The following MTNR1B variants were observed in gnomAD, a reference collection of about 807,000 sequenced individuals.
The protein encoded by MTNR1B is melatonin receptor 1B, also known as melatonin receptor type 1B.
MTNR1B carries 7 observed loss-of-function variants against 7.0 expected under a neutral mutation model. The ratio of observed to expected loss-of-function variants is 1.00; its 90% CI spans 0.57 to 1.88. The LOEUF is 1.88. MTNR1B is among the 40% of genes most tolerant of loss of function. MTNR1B has a pLI of 0.00. For missense variants in MTNR1B, 478 were observed against 486.5 expected (o/e 0.98, Z 0.16); for synonymous variants, 226 against 208.2 (o/e 1.09, Z -0.74).
chr11:92,970,191 G>A lies in MTNR1B; in HGVS notation c.223+243G>A, dbSNP rs540589081. Among the ~76,000 whole-genome samples, 10 of 152,312 alleles carry A rather than the reference G, an allele frequency of 6.6e-5. No individual in the cohort carries two copies. In the East Asian group the frequency reaches 1.4e-3, roughly 21 times the overall value. On this transcript the variant is annotated intron_variant, in intron 1 of 1. Transcript: ENST00000257068. ...GGGAATTGCGGAAAGTTTTACTGGC[G>A]CGCTTTTTGGCCGGGCGCCGGCGCT...
At chr11:92,973,778 A>G (rs10765576) in intron 1 of MTNR1B, among the ~76,000 whole-genome samples, 86,966 of 152,016 alleles carry the variant, frequency 0.57, 25,262 homozygotes, top group East Asian at 0.71. Context: ...CTGAGAGCAG[A>G]CACTTTCATT....
chr11:92,982,381 T>A lies in MTNR1B; in HGVS notation c.*69T>A. 8 of 1,523,042 alleles carry A rather than the reference T, an allele frequency of 5.3e-6. No individual in the cohort carries two copies. In the South Asian group the frequency reaches 1.0e-4, roughly 20 times the overall value. The allele number at this position is 1,523,042 out of a possible 1,614,324, so 94.3% of individuals were successfully genotyped here. A position where few individuals can be genotyped will look rare whatever the true frequency, so the allele number is the denominator to read the frequency against. On this transcript the variant is annotated 3_prime_UTR_variant, in exon 2 of 2. Coordinates refer to ENST00000257068, the MANE Select transcript of MTNR1B (RefSeq NM_005959.5). Reference sequence around the variant, plus strand: ...GGTGGGAGAGAGTCTGCTGCAAGGGTGAGACCAGGCAGCCTGCTGGGCCAC... The same window carrying A: ...GGTGGGAGAGAGTCTGCTGCAAGGGAGAGACCAGGCAGCCTGCTGGGCCAC...
At position 92,976,734 on chromosome 11, in the gene MTNR1B, G is replaced by A. The variant is rs1858013581; in HGVS notation, c.224-4713G>A. ...CACTTTTCTGTCCTTTCTCACTTTT[G>A]TAGATGACCAAGAAACTCTCTACAC... On this transcript the variant is annotated intron_variant, in intron 1 of 1. Coordinates refer to ENST00000257068, the MANE Select transcript of MTNR1B (RefSeq NM_005959.5). Among the ~76,000 whole-genome samples the A allele has an allele frequency of 2.0e-5, 3 of 152,160 alleles. No homozygotes were observed. In the South Asian group the frequency reaches 6.2e-4, roughly 32 times the overall value.
chr11:92,979,137 G>A (rs759923363), intron 1 of MTNR1B, among the ~76,000 whole-genome samples: 1 of 152,146 alleles, frequency 6.6e-6, no homozygotes, highest in Non-Finnish European at 1.5e-5. Flanking sequence ...TCGGGAACTC[G>A]CCCAAATTCA....
intron 1 of MTNR1B, among the ~76,000 whole-genome samples, chr11:92,979,588 G>A (rs1858064830): frequency 6.6e-6 from 1 of 152,124 alleles, no homozygotes; most frequent in Non-Finnish European, 1.5e-5. Context: ...CTTGAGACAG[G>A]GAAACTCACT....
At chr11:92,976,239 A>G (rs1157013398) in intron 1 of MTNR1B, among the ~76,000 whole-genome samples, 1 of 152,208 alleles carries the variant, frequency 6.6e-6, no homozygotes, top group African/African-American at 2.4e-5. Context: ...CTTTCAATTT[A>G]AAATACTTAC....
At chr11:92,971,142 G>A (rs1312566854) in intron 1 of MTNR1B, among the ~76,000 whole-genome samples, 1 of 151,934 alleles carries the variant, frequency 6.6e-6, no homozygotes, top group Non-Finnish European at 1.5e-5. Flanking sequence ...TATATTTTTG[G>A]TAGACACAGT....
intron 1 of MTNR1B, among the ~76,000 whole-genome samples, chr11:92,976,202 A>G (rs573401450): frequency 1.8e-4 from 27 of 152,306 alleles, no homozygotes; most frequent in Admixed American, 1.6e-3. Context: ...CACAAAATTC[A>G]GAGAATACTG....
intron 1 of MTNR1B, 108 bp downstream of exon 1, chr11:92,970,056 TC>T: frequency 7.5e-7 from 1 of 1,327,964 alleles, no homozygotes; most frequent in Non-Finnish European, 9.8e-7. Flanking sequence ...CAGCCCGGGC[TC>T]CCCTTTCCCT....
Position 92,971,212 on chromosome 11 carries a change from C to T in MTNR1B, c.223+1264C>T, listed in dbSNP as rs552433144. On this transcript the variant is annotated intron_variant, in intron 1 of 1. Transcript: ENST00000257068. The stretch of plus-strand genomic sequence containing the variant: ...CTGACCTCAAGTGATCCACCCGCCT[C>T]GGCCTCCCAAAGTGCTGGAATTACA... 5.5e-4 allele frequency among the ~76,000 whole-genome samples: 84 copies of T among 152,226 alleles called. 1 individual carries two copies. The highest frequency in any genetic ancestry group is 1.8e-3 in the African/African-American group (76 of 41,548).
chr11:92,982,418 G>A lies in MTNR1B; in HGVS notation c.*106G>A, dbSNP rs1858127635. On this transcript the variant is annotated 3_prime_UTR_variant, in exon 2 of 2. Transcript: ENST00000257068. Reference sequence around the variant, plus strand: ...GCCTGCTGGGCCACACTGTCCTGTTGGCATCACAGCCCCAAGGCTGGGGGA... The same window carrying A: ...GCCTGCTGGGCCACACTGTCCTGTTAGCATCACAGCCCCAAGGCTGGGGGA... The A allele has an allele frequency of 1.5e-6, 2 of 1,351,236 alleles. No homozygotes were observed. Among genetic ancestry groups the A allele is most frequent in the South Asian group, 3.0e-5 (2 of 67,794 alleles). The allele number at this position is 1,351,236 out of a possible 1,614,324, so 83.7% of individuals were successfully genotyped here.
At chr11:92,972,035 G>A (rs112910195) in intron 1 of MTNR1B, among the ~76,000 whole-genome samples, 93 of 152,314 alleles carry the variant, frequency 6.1e-4, no homozygotes, top group African/African-American at 2.2e-3. Context: ...ATTGGTGACA[G>A]TCACAAACAA....
chr11:92,972,544 T>A (rs1591902452), intron 1 of MTNR1B: 1 of 454,436 alleles, frequency 2.2e-6, no homozygotes, highest in African/African-American at 2.0e-5. Flanking sequence ...CAGGGAGGAG[T>A]GGAGGCAAGG....
rs1302643498 is a variant in MTNR1B, at chr11:92,982,098, C to T, written c.875C>T (p.Thr292Ile). 6 of 1,614,250 alleles carry T rather than the reference C, an allele frequency of 3.7e-6. No homozygotes were observed. The East Asian group carries it at 6.7e-5, about 18-fold the overall frequency. Residue 292 changes from threonine (T) to isoleucine (I), a missense_variant, in exon 2 of 2, where the codon ACT becomes ATT. Physicochemically the swap from Thr to Ile is moderately conservative, Grantham distance 89. Coordinates refer to ENST00000257068, the MANE Select transcript of MTNR1B (RefSeq NM_005959.5). ...APQIPEGLFVTSYLLAYFNSC... is the reference protein window; with the variant it reads ...APQIPEGLFVISYLLAYFNSC... ...CAGATCCCTGAGGGGCTATTTGTCA[C>T]TAGCTACTTACTGGCTTATTTCAAC... is the stretch of plus-strand genomic sequence containing the variant.
rs1309243054 is a variant in MTNR1B, at chr11:92,969,654, C to T, written c.-72C>T. The T allele has an allele frequency of 1.5e-6, 2 of 1,344,630 alleles. No individual in the cohort carries two copies. Among genetic ancestry groups the T allele is most frequent in the Non-Finnish European group, 1.9e-6 (2 of 1,047,946 alleles). The allele number at this position is 1,344,630 out of a possible 1,614,324, so 83.3% of individuals were successfully genotyped here. A position where few individuals can be genotyped will look rare whatever the true frequency, so the allele number is the denominator to read the frequency against. On this transcript the variant is annotated 5_prime_UTR_variant, in exon 1 of 2. Transcript: ENST00000257068. ...GCTGGGCAGGGAAGAGAGCGCCCGGCTCAGTACTGCGCGCGCCCTGCGGCT... is the reference window on the plus strand; with the variant it reads ...GCTGGGCAGGGAAGAGAGCGCCCGGTTCAGTACTGCGCGCGCCCTGCGGCT...
At chr11:92,984,455 G>A (rs908085044), downstream of MTNR1B, among the ~76,000 whole-genome samples, 1 of 98,954 alleles carries the variant, frequency 1.0e-5, no homozygotes, top group Non-Finnish European at 2.0e-5. Flanking sequence ...GTGCAGAAGA[G>A]TCCTAAGGAT....
chr11:92,970,097 C>A (rs1857901388), intron 1 of MTNR1B, 149 bp downstream of exon 1: 1 of 1,190,136 alleles, frequency 8.4e-7, no homozygotes, highest in Non-Finnish European at 1.1e-6. Flanking sequence ...AAGTTTGACT[C>A]TGCACTCAAA....
intron 1 of MTNR1B, among the ~76,000 whole-genome samples, chr11:92,973,969 T>C (rs1359705240): frequency 6.6e-6 from 1 of 152,258 alleles, no homozygotes; most frequent in East Asian, 1.9e-4. Context: ...TTCATGAAAC[T>C]GAACTGCTTT....
Position 92,981,575 on chromosome 11 carries a change from T to C in MTNR1B, c.352T>C (p.Phe118Leu), listed in dbSNP as rs375944481. 6.8e-6 allele frequency: 11 copies of C among 1,614,040 alleles called. No individual in the cohort carries two copies. The African/African-American group carries it at 1.5e-4, about 22-fold the overall frequency. The change falls in exon 2 of 2, where the codon TTT becomes CTT. Residue 118 changes from phenylalanine (F) to leucine (L), a missense_variant. Coordinates refer to ENST00000257068, the MANE Select transcript of MTNR1B (RefSeq NM_005959.5). ...LGEEHCKASA[F>L]VMGLSVIGSV... ...GGAGGAGCACTGCAAGGCCAGCGCC[T>C]TTGTGATGGGCCTGAGCGTCATCGG...
Sources: allele counts gnomAD v4.1 joint callset (sites outside exome capture counted in the v4.1 genomes callset), GRCh38; gene constraint gnomAD v4.1.1; transcripts MANE v1.5; gene names NCBI Gene and HGNC (gene_info 2026-07-23, HGNC 2026-07-21).